Variants in R3HCC1L observed in about 807,000 individuals in gnomAD.
R3HCC1L encodes R3H domain and coiled-coil containing 1 like.
A neutral mutation model predicts 59.9 loss-of-function variants in R3HCC1L; 51 were observed. The observed-to-expected ratio is 0.85, with a 90% CI of 0.68 to 1.07. The LOEUF is 1.07. R3HCC1L is among the 50% of genes least tolerant of loss of function. The probability of loss-of-function intolerance (pLI) is 0.00; values close to 1 mark genes in which losing one functional copy is unlikely to be tolerated. For synonymous variants in R3HCC1L, 322 were observed against 315.2 expected, an observed-to-expected ratio of 1.02 and a Z score of -0.23; for missense variants, 965 against 933.0, an observed-to-expected ratio of 1.03 and a Z score of -0.45.
At chr10:98,158,765 G>C (rs1337020211) in intron 2 of R3HCC1L, among the ~76,000 whole-genome samples, 2 of 151,262 alleles carry the variant, frequency 1.3e-5, no homozygotes, top group Non-Finnish European at 2.9e-5. Flanking sequence ...CATATCTCTA[G>C]TTTCCTTTAA....
chr10:98,189,345 T>C lies in R3HCC1L; in HGVS notation c.-14-18756T>C, dbSNP rs568639453. ...TGAAGAAGGCCTTGAGGCATCACCT[T>C]ATACATGGCGCAGTTTGGCAGTTTG... is the stretch of plus-strand genomic sequence containing the variant. On this transcript the variant is annotated intron_variant, in intron 4 of 9. Transcript: ENST00000298999. Among the ~76,000 whole-genome samples the C allele has an allele frequency of 5.9e-5, 9 of 152,306 alleles. No homozygotes were observed. The South Asian group carries it at 1.7e-3, about 28-fold the overall frequency.
chr10:98,204,376 C>T (rs368918371), intron 4 of R3HCC1L, among the ~76,000 whole-genome samples: 4 of 151,884 alleles, frequency 2.6e-5, no homozygotes, highest in African/African-American at 9.7e-5. Context: ...TTGCACTCCA[C>T]CCTGGGCAAC....
chr10:98,227,346 CCTT>C (rs2135553621), intron 5 of R3HCC1L, among the ~76,000 whole-genome samples: 1 of 152,244 alleles, frequency 6.6e-6, no homozygotes, highest in Non-Finnish European at 1.5e-5. Context: ...TCACCTTCCT[CCTT>C]CTCCCAATAA....
rs1269908502 is a variant in R3HCC1L at position 98,138,489 on chromosome 10, A to C, written c.-268+3783A>C. On this transcript the variant is annotated intron_variant, in intron 1 of 9. Transcript: ENST00000298999. ...TAGGCTCATTTGAGGCCAAGAGTTC[A>C]AGACCAGCCTGGGCAACAAAGTGAG... 3.3e-5 allele frequency among the ~76,000 whole-genome samples: 5 copies of C among 152,150 alleles called. No individual in the cohort carries two copies. The East Asian group carries it at 9.6e-4, about 29-fold the overall frequency.
At chr10:98,139,389 A>G (rs891773460) in intron 1 of R3HCC1L, among the ~76,000 whole-genome samples, 1 of 152,248 alleles carries the variant, frequency 6.6e-6, no homozygotes, top group African/African-American at 2.4e-5. Context: ...CTTATAATTT[A>G]GACATTTCTT....
At chr10:98,202,539 C>T (rs1484520356) in intron 4 of R3HCC1L, among the ~76,000 whole-genome samples, 1 of 152,066 alleles carries the variant, frequency 6.6e-6, no homozygotes, top group Non-Finnish European at 1.5e-5. Flanking sequence ...ACAAACCTTA[C>T]ATAAGGAGCA....
chr10:98,208,107 G>A lies in R3HCC1L; in HGVS notation c.-8G>A, dbSNP rs372560284. On this transcript the variant is annotated 5_prime_UTR_variant, in exon 5 of 10. The change creates a new upstream start codon in the 5' untranslated region. Coordinates refer to ENST00000298999, the MANE Select transcript of R3HCC1L (RefSeq NM_001351015.2). ...AATCATTCTTCTCTTGCAGATTGTG[G>A]TGGTGCCATGCAGCAAGAATCAGAG... The A allele has an allele frequency of 4.4e-6, 7 of 1,598,110 alleles. No individual in the cohort carries two copies. In the African/African-American group the frequency reaches 8.1e-5, roughly 18 times the overall value.
chr10:98,234,327 C>A, intron 6 of R3HCC1L, 119 bp from the exon 7 acceptor site: 1 of 859,634 alleles, frequency 1.2e-6, no homozygotes, highest in Non-Finnish European at 1.9e-6. Flanking sequence ...ATCCCCATTC[C>A]ACCTGTGCAC....
intron 5 of R3HCC1L, among the ~76,000 whole-genome samples, chr10:98,213,026 T>C (rs948763540): frequency 7.2e-5 from 11 of 152,182 alleles, no homozygotes; most frequent in African/African-American, 2.7e-4. Flanking sequence ...CAGTGTGTGC[T>C]AACTTACATT....
At chr10:98,169,673 T>C (rs1465029115) in intron 4 of R3HCC1L, among the ~76,000 whole-genome samples, 1 of 152,228 alleles carries the variant, frequency 6.6e-6, no homozygotes. Context: ...AGTTCTTTCT[T>C]AACTAAGTAG....
At chr10:98,228,593 T>G (rs1398551281) in intron 5 of R3HCC1L, among the ~76,000 whole-genome samples, 1 of 152,212 alleles carries the variant, frequency 6.6e-6, no homozygotes, top group Non-Finnish European at 1.5e-5. Context: ...TTTAATTAGA[T>G]CTCATTTGTC....
Position 98,208,913 on chromosome 10 carries a change from A to G in R3HCC1L, c.799A>G (p.Thr267Ala), listed in dbSNP as rs34530959. Residue 267 changes from threonine to alanine, a missense_variant, in exon 5 of 10, where the codon ACT becomes GCT. Physicochemically the swap from Thr to Ala is moderately conservative, Grantham distance 58. Coordinates refer to ENST00000298999, the MANE Select transcript of R3HCC1L (RefSeq NM_001351015.2). ...TCCCAGCAGCGGAGGCATCACCACT[A>G]CTTCTGTTCCTGGAAGTCCAGATGG... Reference protein sequence around the residue: ...LNPSSGGITTTSVPGSPDGVF... With the variant: ...LNPSSGGITTASVPGSPDGVF... 8.4e-3 allele frequency: 13,502 copies of G among 1,614,068 alleles called. 90 individuals are homozygous for G. Among genetic ancestry groups the G allele is most frequent in the South Asian group, 0.02 (1,843 of 91,084 alleles).
intron 4 of R3HCC1L, among the ~76,000 whole-genome samples, chr10:98,170,560 A>C (rs1848421235): frequency 6.6e-6 from 1 of 152,200 alleles, no homozygotes. Flanking sequence ...TCCTGGCCTC[A>C]GGCAGTACTC....
chr10:98,213,411 G>T (rs533079767), intron 5 of R3HCC1L, among the ~76,000 whole-genome samples: 1 of 152,246 alleles, frequency 6.6e-6, no homozygotes, highest in Non-Finnish European at 1.5e-5. Context: ...ACAGCAATCT[G>T]CAGGGAAATT....
intron 6 of R3HCC1L, among the ~76,000 whole-genome samples, chr10:98,233,629 A>C (rs1035989887): frequency 6.6e-6 from 1 of 152,208 alleles, no homozygotes; most frequent in Non-Finnish European, 1.5e-5. Context: ...CCCTGAGTCC[A>C]TGAGCATTTT....
In R3HCC1L at chr10:98,244,128, C is replaced by G; in HGVS notation, c.2307C>G (p.Ile769Met). 6.2e-7 allele frequency: 1 copy of G among 1,613,968 alleles called. No individual in the cohort carries two copies. The highest frequency in any genetic ancestry group is 1.1e-5 in the South Asian group (1 of 91,078). Residue 769 changes from isoleucine (I) to methionine (M), a missense_variant, in exon 10 of 10, where the codon ATC (isoleucine) becomes ATG (methionine). Coordinates refer to ENST00000298999, the MANE Select transcript of R3HCC1L (RefSeq NM_001351015.2). ...KRLEAKQRED[I>M]WEGRDQSTV ...TGGAAGCCAAGCAACGGGAAGACATCTGGGAAGGCAGAGACCAGTCTACAG... is the reference window on the plus strand; with the variant it reads ...TGGAAGCCAAGCAACGGGAAGACATGTGGGAAGGCAGAGACCAGTCTACAG...
chr10:98,238,216 CTT>C (rs892568239), intron 9 of R3HCC1L, among the ~76,000 whole-genome samples: 1 of 152,156 alleles, frequency 6.6e-6, no homozygotes, highest in African/African-American at 2.4e-5. Context: ...TGTCATTACT[CTT>C]TTTATTTTAA....
chr10:98,148,835 T>C (rs887992818), intron 1 of R3HCC1L, among the ~76,000 whole-genome samples: 9 of 152,184 alleles, frequency 5.9e-5, no homozygotes, highest in African/African-American at 2.2e-4. Flanking sequence ...ATAGTTTTCT[T>C]TTTTTGTTGT....
intron 4 of R3HCC1L, among the ~76,000 whole-genome samples, chr10:98,174,223 T>G (rs1848781880): frequency 6.6e-6 from 1 of 152,168 alleles, no homozygotes; most frequent in Non-Finnish European, 1.5e-5. Flanking sequence ...TTTAAGTGTT[T>G]TAATGTTTTT....
Sources: allele counts gnomAD v4.1 joint callset (sites outside exome capture counted in the v4.1 genomes callset), GRCh38; gene constraint gnomAD v4.1.1; transcripts MANE v1.5; gene names NCBI Gene and HGNC (gene_info 2026-07-23, HGNC 2026-07-21).